Variants in ZNF26 observed in about 807,000 individuals in gnomAD.
ZNF26 encodes the protein epididymis luminal protein 179.
ZNF26 carries 32 observed loss-of-function variants against 54.9 expected under a neutral mutation model. The ratio of observed to expected loss-of-function variants is 0.58; its 90% CI spans 0.44 to 0.78. The LOEUF (loss-of-function observed/expected upper bound fraction) is 0.78, where lower values mean the gene tolerates loss of function less well. ZNF26 is among the 30% of genes least tolerant of loss of function. The pLI is 0.00. For synonymous variants in ZNF26, 221 were observed against 209.2 expected, an observed-to-expected ratio of 1.06 and a Z score of -0.49; for missense variants, 524 against 634.0, an observed-to-expected ratio of 0.83 and a Z score of 1.86.
At chr12:133,007,778 G>A (rs1174386808) in intron 3 of ZNF26, among the ~76,000 whole-genome samples, 1 of 152,170 alleles carries the variant, frequency 6.6e-6, no homozygotes, top group African/African-American at 2.4e-5. Flanking sequence ...CTCTGCTTCA[G>A]GTTTGCTTTT....
In ZNF26 at chr12:133,010,908, A is replaced by G. The variant is rs1406248710; in HGVS notation, c.1029A>G (p.Gln343=). The change falls in exon 4 of 4, where the codon CAA becomes CAG. Residue 343 remains glutamine (Q), a synonymous_variant. Coordinates refer to ENST00000328654, the MANE Select transcript of ZNF26 (RefSeq NM_019591.4). The part of the protein sequence containing the change: ...IRMHTGEKPY[Q]CSDCGKAFNM... ...TGCATACAGGAGAAAAACCCTATCA[A>G]TGCAGTGATTGTGGGAAAGCCTTCA... The G allele has an allele frequency of 3.1e-6, 5 of 1,613,952 alleles. No homozygotes were observed. The Admixed American group carries it at 8.3e-5, about 27-fold the overall frequency.
At chr12:133,007,582 A>C in intron 3 of ZNF26, 50 bp downstream of exon 3, 2 of 1,371,110 alleles carry the variant, frequency 1.5e-6, no homozygotes, top group Non-Finnish European at 2.1e-6. Flanking sequence ...TGAGCTGATG[A>C]GTACCTGAGG....
At position 133,011,159 on chromosome 12, in the gene ZNF26, A is replaced by C; in HGVS notation, c.1280A>C (p.Glu427Ala). 1 of 1,614,134 alleles carries C rather than the reference A, an allele frequency of 6.2e-7. No individual in the cohort carries two copies. Among genetic ancestry groups the C allele is most frequent in the Middle Eastern group, 1.6e-4 (1 of 6,062 alleles). ...RRTHTGERPY[E>A]CSLCERAFCG... ...ACACACACCGGAGAGAGACCCTATG[A>C]ATGTAGTTTGTGTGAGAGAGCCTTT... Residue 427 changes from glutamate to alanine, a missense_variant, in exon 4 of 4, where the codon GAA (glutamate) becomes GCA (alanine). Transcript: ENST00000328654.
Position 133,019,637 on chromosome 12 carries a change from C to T in ZNF26, c.*8156C>T, listed in dbSNP as rs1210698216. On this transcript the variant is annotated 3_prime_UTR_variant, in exon 4 of 4. Transcript: ENST00000328654. ...TTGGTGGGAGTGGAAATTAGTACAGCCACTATGGAGAACAGTATGGAGGCT... is the reference window on the plus strand; with the variant it reads ...TTGGTGGGAGTGGAAATTAGTACAGTCACTATGGAGAACAGTATGGAGGCT... The T allele has an allele frequency of 2.0e-5, 3 of 152,254 alleles. No homozygotes were observed. Among genetic ancestry groups the T allele is most frequent in the African/African-American group, 4.8e-5 (2 of 41,530 alleles). 9.4% of individuals were successfully genotyped at this position (152,254 alleles called of 1,614,324 possible). A position where few individuals can be genotyped will look rare whatever the true frequency, so the allele number is the denominator to read the frequency against.
intron 1 of ZNF26, among the ~76,000 whole-genome samples, chr12:132,991,490 TCAA>T (rs1341115870): frequency 2.1e-5 from 3 of 146,196 alleles, no homozygotes; most frequent in Non-Finnish European, 3.0e-5. Flanking sequence ...AGAGCGAGAC[TCAA>T]CAACAACAAC....
chr12:132,996,892 T>TTTTTGTTTTGTTTTG (rs61558774), intron 1 of ZNF26, among the ~76,000 whole-genome samples: 14 of 151,360 alleles, frequency 9.2e-5, no homozygotes, highest in African/African-American at 2.9e-4. Context: ...TTCTCATGGT[T>TTTTTGTTTTGTTTTG]TTTTGTTTTG....
chr12:132,987,824 C>T (rs1329708705), intron 1 of ZNF26: 1 of 737,634 alleles, frequency 1.4e-6, no homozygotes, highest in Non-Finnish European at 1.7e-6. Context: ...GGCTGTTGTG[C>T]TAAAGAAACG....
intron 1 of ZNF26, chr12:133,005,306 G>A (rs915656962): frequency 1.3e-5 from 2 of 152,218 alleles, no homozygotes; most frequent in Admixed American, 6.5e-5. Flanking sequence ...TGGTTCCAGC[G>A]ATTCTCCTGC....
rs1227884300 is a variant in ZNF26 at position 133,023,682 on chromosome 12, A to G, written c.*12201A>G. On this transcript the variant is annotated 3_prime_UTR_variant, in exon 4 of 4. Transcript: ENST00000328654. ...ATCTCATCTCCTCTTCTACAGTGTGATCTTGCCACTCCTCCCACTTATAGT... is the reference window on the plus strand; with the variant it reads ...ATCTCATCTCCTCTTCTACAGTGTGGTCTTGCCACTCCTCCCACTTATAGT... 1 of 152,290 alleles carries G rather than the reference A, an allele frequency of 6.6e-6. No individual in the cohort carries two copies. Among genetic ancestry groups the G allele is most frequent in the African/African-American group, 2.4e-5 (1 of 41,566 alleles). 9.4% of individuals were successfully genotyped at this position (152,290 alleles called of 1,614,324 possible).
At position 133,014,194 on chromosome 12, in the gene ZNF26, T is replaced by G. The variant is rs1035546736; in HGVS notation, c.*2713T>G. On this transcript the variant is annotated 3_prime_UTR_variant, in exon 4 of 4. Transcript: ENST00000328654. ...CATAGAGCATTGCAGGAATGAGTAA[T>G]GTATCAAAACTTCTCAGCATGACAA... 2.8e-4 allele frequency: 42 copies of G among 152,336 alleles called. No homozygotes were observed. The highest frequency in any genetic ancestry group is 8.9e-4 in the African/African-American group (37 of 41,566). 9.4% of individuals were successfully genotyped at this position (152,336 alleles called of 1,614,324 possible). A position where few individuals can be genotyped will look rare whatever the true frequency, so the allele number is the denominator to read the frequency against.
intron 1 of ZNF26, chr12:133,005,964 C>A: frequency 2.7e-6 from 1 of 369,254 alleles, no homozygotes; most frequent in Non-Finnish European, 3.7e-6. Context: ...TTGAATTGAC[C>A]AGGCTCTACC....
At chr12:133,010,059 C>G (rs1953434862) in intron 3 of ZNF26, 77 bp from the exon 4 acceptor site, 2 of 1,403,580 alleles carry the variant, frequency 1.4e-6, no homozygotes, top group Non-Finnish European at 1.9e-6. Flanking sequence ...GATTACATCA[C>G]AGTCCTAATA....
At position 132,986,790 on chromosome 12, in the gene ZNF26, G is replaced by A; in HGVS notation, c.-51G>A. The A allele has an allele frequency of 1.9e-6, 3 of 1,566,918 alleles. No homozygotes were observed. The highest frequency in any genetic ancestry group is 1.7e-6 in the Non-Finnish European group (2 of 1,154,994). ...CGGACGCATCCCTCACGGTCTCTCCGCAGCCCGCGGGTCCTGCCCCCGCAG... is the reference window on the plus strand; with the variant it reads ...CGGACGCATCCCTCACGGTCTCTCCACAGCCCGCGGGTCCTGCCCCCGCAG... On this transcript the variant is annotated 5_prime_UTR_variant, in exon 1 of 4. Transcript: ENST00000328654.
chr12:133,026,870 T>A lies in ZNF26; in HGVS notation c.*15389T>A, dbSNP rs1197685776. 4.6e-5 allele frequency: 7 copies of A among 152,216 alleles called. No homozygotes were observed. Among genetic ancestry groups the A allele is most frequent in the Non-Finnish European group, 1.0e-4 (7 of 68,042 alleles). The allele number at this position is 152,216 out of a possible 1,614,324, so 9.4% of individuals were successfully genotyped here. A position where few individuals can be genotyped will look rare whatever the true frequency, so the allele number is the denominator to read the frequency against. ...AAATATGTCAAAGATAATTCAATATTAAAGTTTATATATTTATCATTTTAA... is the reference window on the plus strand; with the variant it reads ...AAATATGTCAAAGATAATTCAATATAAAAGTTTATATATTTATCATTTTAA... On this transcript the variant is annotated 3_prime_UTR_variant, in exon 4 of 4. Transcript: ENST00000328654.
chr12:132,991,200 A>G (rs1157797315), intron 1 of ZNF26, among the ~76,000 whole-genome samples: 3 of 151,702 alleles, frequency 2.0e-5, no homozygotes, highest in African/African-American at 7.3e-5. Context: ...TAAGTATAAG[A>G]AAAATAGCTA....
chr12:133,010,966 G>A lies in ZNF26; in HGVS notation c.1087G>A (p.Val363Ile), dbSNP rs1953458899. 5 of 1,613,738 alleles carry A rather than the reference G, an allele frequency of 3.1e-6. No individual in the cohort carries two copies. The highest frequency in any genetic ancestry group is 4.2e-6 in the Non-Finnish European group (5 of 1,179,962). ...GACACAACTCATTGTACATCAGGGA[G>A]TTCACACAGGAAATAATCCTTATCA... ...MKTQLIVHQG[V>I]HTGNNPYQCG... The change falls in exon 4 of 4, where the codon GTT becomes ATT. Residue 363 changes from valine to isoleucine, a missense_variant. Physicochemically the swap from Val to Ile is conservative, Grantham distance 29. Transcript: ENST00000328654.
rs1245127708 is a variant in ZNF26, at chr12:133,026,673, C to T, written c.*15192C>T. ...TCCCAAGTAGCTGAGATTACGGGCACCTGCCACCACGCCTGGATAATGTTT... is the reference window on the plus strand; with the variant it reads ...TCCCAAGTAGCTGAGATTACGGGCATCTGCCACCACGCCTGGATAATGTTT... On this transcript the variant is annotated 3_prime_UTR_variant, in exon 4 of 4. Transcript: ENST00000328654. The T allele has an allele frequency of 6.6e-6, 1 of 151,708 alleles. No individual in the cohort carries two copies. The highest frequency in any genetic ancestry group is 2.0e-4 in the East Asian group (1 of 5,122). 9.4% of individuals were successfully genotyped at this position (151,708 alleles called of 1,614,324 possible).
At chr12:133,009,472 G>C (rs1953420755) in intron 3 of ZNF26, among the ~76,000 whole-genome samples, 1 of 151,940 alleles carries the variant, frequency 6.6e-6, no homozygotes, top group Non-Finnish European at 1.5e-5. Flanking sequence ...TGTGCCTGTA[G>C]TCCCAGCTAC....
intron 1 of ZNF26, among the ~76,000 whole-genome samples, chr12:132,997,865 A>G (rs953715729): frequency 8.4e-4 from 128 of 152,340 alleles, no homozygotes; most frequent in African/African-American, 3.0e-3. Context: ...TGGGCCGACT[A>G]AAAGTATCAT....
Sources: allele counts gnomAD v4.1 joint callset (sites outside exome capture counted in the v4.1 genomes callset), GRCh38; gene constraint gnomAD v4.1.1; transcripts MANE v1.5; gene names NCBI Gene and HGNC (gene_info 2026-07-23, HGNC 2026-07-21).